The following SYNPR variants were observed in gnomAD, a reference collection of about 807,000 sequenced individuals.
SYNPR encodes the protein synaptoporin.
Under a neutral mutation model 32.9 loss-of-function variants are expected in SYNPR, and 23 were observed. The ratio of observed to expected loss-of-function variants is 0.70; its 90% confidence interval spans 0.50 to 0.99. The LOEUF (loss-of-function observed/expected upper bound fraction) is 0.99, where lower values mean the gene tolerates loss of function less well. Among genes scored for constraint, SYNPR ranks in the 50% least tolerant of loss-of-function variants. The pLI is 0.00. For missense variants in SYNPR, 318 were observed against 349.3 expected (o/e 0.91, Z 0.71); for synonymous variants, 146 against 135.9 (o/e 1.07, Z -0.52).
chr3:63,492,669 T>C (rs941385180), intron 3 of SYNPR, among the ~76,000 whole-genome samples: 2 of 152,110 alleles, frequency 1.3e-5, no homozygotes, highest in Non-Finnish European at 2.9e-5. Context: ...ATTAAATCAT[T>C]GTATGCTGAG....
At chr3:63,468,621 T>G (rs1397820853) in intron 2 of SYNPR, among the ~76,000 whole-genome samples, 1 of 152,094 alleles carries the variant, frequency 6.6e-6, no homozygotes, top group Non-Finnish European at 1.5e-5. Flanking sequence ...GCTAACATGT[T>G]GAAACCCCAT....
At chr3:63,445,366 T>C (rs1204224867) in intron 2 of SYNPR, among the ~76,000 whole-genome samples, 2 of 152,182 alleles carry the variant, frequency 1.3e-5, no homozygotes, top group Non-Finnish European at 2.9e-5. Flanking sequence ...TCGGGATCCT[T>C]AGTTGGAGTT....
At chr3:63,374,480 T>C (rs2087859000) in intron 2 of SYNPR, among the ~76,000 whole-genome samples, 1 of 152,166 alleles carries the variant, frequency 6.6e-6, no homozygotes, top group South Asian at 2.1e-4. Flanking sequence ...CTACCTGTCA[T>C]GTACTATGCT....
chr3:63,391,527 A>C (rs2088136569), intron 2 of SYNPR, among the ~76,000 whole-genome samples: 1 of 152,214 alleles, frequency 6.6e-6, no homozygotes, highest in Non-Finnish European at 1.5e-5. Context: ...ATCATTGCTA[A>C]CACCTATGAG....
intron 3 of SYNPR, among the ~76,000 whole-genome samples, chr3:63,496,577 C>T (rs1701377682): frequency 6.6e-6 from 1 of 152,106 alleles, no homozygotes; most frequent in African/African-American, 2.4e-5. Context: ...AAATTCCTCT[C>T]CAAAAGACAA....
intron 2 of SYNPR, among the ~76,000 whole-genome samples, chr3:63,371,041 T>C (rs143131441): frequency 2.6e-5 from 4 of 152,050 alleles, no homozygotes; most frequent in Admixed American, 6.5e-5. Context: ...GGTGGACACA[T>C]TGCGATTCAT....
chr3:63,280,261 T>C (rs1216403626), intron 2 of SYNPR, among the ~76,000 whole-genome samples: 2 of 152,216 alleles, frequency 1.3e-5, no homozygotes, highest in Admixed American at 1.3e-4. Flanking sequence ...TACTGCTATA[T>C]AAAAAGGTGT....
intron 2 of SYNPR, among the ~76,000 whole-genome samples, chr3:63,431,535 A>G (rs892562022): frequency 6.6e-6 from 1 of 152,188 alleles, no homozygotes; most frequent in African/African-American, 2.4e-5. Context: ...AGAAAAAACT[A>G]AAAAGGATGG....
rs918744984 is a variant in SYNPR at position 63,259,000 on chromosome 3, A to G, written n.154+6414A>G. ...GAAATGGATAAATTCCTGGACACAT[A>G]CACCCTCCCAAGACTAAACCAGGAA... On this transcript the variant is annotated intron_variant and non_coding_transcript_variant, in intron 2 of 4. Coordinates refer to the SYNPR transcript ENST00000478456. Among the ~76,000 whole-genome samples the G allele has an allele frequency of 3.9e-5, 6 of 152,336 alleles. No homozygotes were observed. The South Asian group carries it at 1.0e-3, about 26-fold the overall frequency.
chr3:63,580,857 T>C (rs1703077805), intron 4 of SYNPR, among the ~76,000 whole-genome samples: 1 of 152,180 alleles, frequency 6.6e-6, no homozygotes, highest in Non-Finnish European at 1.5e-5. Flanking sequence ...ATATTGTGTA[T>C]TTACCATATG....
intron 1 of SYNPR, among the ~76,000 whole-genome samples, chr3:63,244,957 A>T (rs2086273437): frequency 6.6e-6 from 1 of 152,102 alleles, no homozygotes. Flanking sequence ...AAATTGCTTG[A>T]ACTATAAAAA....
upstream of SYNPR, among the ~76,000 whole-genome samples, chr3:63,227,461 G>A (rs563894441): frequency 2.6e-5 from 4 of 152,284 alleles, no homozygotes; most frequent in South Asian, 8.3e-4. Flanking sequence ...TACTGTTGGC[G>A]ATTTGAAACA....
chr3:63,370,609 CTA>C (rs1371995289), intron 2 of SYNPR, among the ~76,000 whole-genome samples: 3 of 152,102 alleles, frequency 2.0e-5, no homozygotes, highest in African/African-American at 4.8e-5. Flanking sequence ...GGCCTTTTGT[CTA>C]TGATTTGTGG....
intron 5 of SYNPR, among the ~76,000 whole-genome samples, chr3:63,614,660 T>A (rs1700251423): frequency 6.6e-6 from 1 of 152,200 alleles, no homozygotes; most frequent in Non-Finnish European, 1.5e-5. Flanking sequence ...TACCCTATAT[T>A]TTTAATTGAC....
intron 3 of SYNPR, among the ~76,000 whole-genome samples, chr3:63,523,605 T>C (rs1386794818): frequency 6.6e-6 from 1 of 152,134 alleles, no homozygotes; most frequent in Non-Finnish European, 1.5e-5. Flanking sequence ...AATGTGAGCC[T>C]TCCTAGGGAG....
chr3:63,465,529 TA>T, intron 2 of SYNPR, among the ~76,000 whole-genome samples: 1 of 152,230 alleles, frequency 6.6e-6, no homozygotes, highest in East Asian at 1.9e-4. Flanking sequence ...ATCTTAATTT[TA>T]AAAAATTTTA....
chr3:63,304,682 T>A (rs1393540414), intron 2 of SYNPR, among the ~76,000 whole-genome samples: 1 of 151,888 alleles, frequency 6.6e-6, no homozygotes, highest in African/African-American at 2.4e-5. Context: ...ACCATAATAT[T>A]TTTTTTAAGT....
At chr3:63,304,873 C>G (rs780832272) in intron 2 of SYNPR, among the ~76,000 whole-genome samples, 4 of 151,818 alleles carry the variant, frequency 2.6e-5, no homozygotes, top group Non-Finnish European at 5.9e-5. Flanking sequence ...TCCCTGCAAA[C>G]CTAAAAGATT....
At chr3:63,503,969 T>C (rs186176011) in intron 3 of SYNPR, among the ~76,000 whole-genome samples, 45 of 152,258 alleles carry the variant, frequency 3.0e-4, no homozygotes, top group African/African-American at 1.1e-3. Context: ...AAGATTACCA[T>C]TTCCTACTTA....
Sources: allele counts gnomAD v4.1 joint callset (sites outside exome capture counted in the v4.1 genomes callset), GRCh38; gene constraint gnomAD v4.1.1; transcripts MANE v1.5; gene names NCBI Gene and HGNC (gene_info 2026-07-23, HGNC 2026-07-21).